RANGAP1: variants seen among roughly 807,000 people sequenced by gnomAD.
RANGAP1 encodes the protein Ran GTPase activating protein 1.
RANGAP1 carries 38 observed loss-of-function variants against 63.5 expected under a neutral mutation model. The observed-to-expected ratio is 0.60, with a 90% CI of 0.46 to 0.78. The LOEUF (loss-of-function observed/expected upper bound fraction) is 0.78, where lower values mean the gene tolerates loss of function less well. Ranked by LOEUF, RANGAP1 falls within the 30% of genes least tolerant of loss-of-function variation. The pLI is 0.00. For missense variants in RANGAP1, 630 were observed against 740.3 expected (o/e 0.85, Z 1.73); for synonymous variants, 329 against 310.5 (o/e 1.06, Z -0.63).
intron 2 of RANGAP1, among the ~76,000 whole-genome samples, chr22:41,279,756 C>G (rs1228070630): frequency 1.4e-5 from 2 of 146,392 alleles, no homozygotes; most frequent in African/African-American, 5.1e-5. Context: ...GAGCCAACAT[C>G]GCACCACTAC....
intron 8 of RANGAP1, 50 bp downstream of exon 8, chr22:41,256,661 C>T (rs573682658): frequency 6.4e-7 from 1 of 1,551,360 alleles, no homozygotes; most frequent in Non-Finnish European, 8.8e-7. Context: ...CCCAGCCGCC[C>T]CACCACCCAC....
chr22:41,288,743 C>G (rs760874839), upstream of RANGAP1, among the ~76,000 whole-genome samples: 2 of 151,878 alleles, frequency 1.3e-5, no homozygotes, highest in Non-Finnish European at 2.9e-5. Context: ...AATTCAGTGG[C>G]CTTCAAGGAC....
At chr22:41,247,704 G>A (rs2033141666) in intron 15 of RANGAP1, among the ~76,000 whole-genome samples, 1 of 152,266 alleles carries the variant, frequency 6.6e-6, no homozygotes, top group African/African-American at 2.4e-5. Context: ...AAGAAACTGA[G>A]GCAAGACTCT....
upstream of RANGAP1, among the ~76,000 whole-genome samples, chr22:41,289,013 C>A (rs1239069800): frequency 6.7e-6 from 1 of 150,212 alleles, no homozygotes; most frequent in African/African-American, 2.5e-5. Flanking sequence ...ACCTCCGCCT[C>A]CCAGGTTCAA....
At chr22:41,286,412 C>G (rs539395392), upstream of RANGAP1, among the ~76,000 whole-genome samples, 1 of 152,262 alleles carries the variant, frequency 6.6e-6, no homozygotes, top group Non-Finnish European at 1.5e-5. Flanking sequence ...TCGCCCTCCC[C>G]TGGTGGCTTC....
intron 13 of RANGAP1, among the ~76,000 whole-genome samples, chr22:41,250,074 T>A (rs2033335872): frequency 6.6e-6 from 1 of 152,220 alleles, no homozygotes; most frequent in Non-Finnish European, 1.5e-5. Context: ...AAAATGGGCA[T>A]GGGGATGACA....
At position 41,254,437 on chromosome 22, in the gene RANGAP1, T is replaced by C. The variant is rs748440365; in HGVS notation, c.1131A>G (p.Glu377=). 5.6e-6 allele frequency: 9 copies of C among 1,611,924 alleles called. No individual in the cohort carries two copies. Among genetic ancestry groups the C allele is most frequent in the Non-Finnish European group, 6.8e-6 (8 of 1,179,162 alleles). Residue 377 remains glutamate (E), a synonymous_variant, in exon 11 of 16, where the codon GAA becomes GAG. Coordinates refer to ENST00000356244, the MANE Select transcript of RANGAP1 (RefSeq NM_002883.4). Reference sequence around the variant, plus strand: ...CTTCCTCATCTTCCTCCTCCTCTTCTTCTGCTTCCTCTTCTTCCTCTTCTC... The same window carrying C: ...CTTCCTCATCTTCCTCCTCCTCTTCCTCTGCTTCCTCTTCTTCCTCTTCTC... The part of the protein sequence containing the change: ...EEGEEEEEEA[E]EEEEEDEEEE...
upstream of RANGAP1, among the ~76,000 whole-genome samples, chr22:41,289,703 C>G (rs2035816219): frequency 6.6e-6 from 1 of 152,208 alleles, no homozygotes; most frequent in South Asian, 2.1e-4. Flanking sequence ...CCAGCTTTCT[C>G]TCTTTCAAGT....
In RANGAP1 at chr22:41,276,790, C is replaced by CAAGAA. The variant is rs1270553600; in HGVS notation, c.113-2064_113-2063insTTCTT. ...CAGGAGTTCAGGAGTTCAAGAACAG[C>CAAGAA]CTGGCCAACATGGTAAACCCCGTCT... On this transcript the variant is annotated intron_variant, in intron 2 of 15. Transcript: ENST00000356244. Among the ~76,000 whole-genome samples, 3 of 151,678 alleles carry CAAGAA rather than the reference C, an allele frequency of 2.0e-5. No individual in the cohort carries two copies. The East Asian group carries it at 5.8e-4, about 29-fold the overall frequency.
chr22:41,290,746 G>C (rs1432986749), upstream of RANGAP1, among the ~76,000 whole-genome samples: 3 of 152,142 alleles, frequency 2.0e-5, no homozygotes, highest in Non-Finnish European at 2.9e-5. Context: ...GCCTGAAAAC[G>C]AACTTAATTG....
chr22:41,292,740 C>T, the RANGAP1 span, among the ~76,000 whole-genome samples: 2 of 151,876 alleles, frequency 1.3e-5, no homozygotes, highest in Admixed American at 1.3e-4. Flanking sequence ...AGTGAGACTC[C>T]GTCTCAAAAT....
At chr22:41,261,268 A>G (rs1159111370) in intron 6 of RANGAP1, among the ~76,000 whole-genome samples, 178 bp downstream of exon 6, 2 of 152,216 alleles carry the variant, frequency 1.3e-5, no homozygotes, top group Admixed American at 6.5e-5. Context: ...ACCTTTCCAG[A>G]AATGCACGAC....
chr22:41,245,264 C>T lies in RANGAP1; in HGVS notation c.*1339G>A, dbSNP rs780485954. ...GGGACATGGGCTCCCAAAGCACATA[C>T]ATGGTGTAGGGTAGGAGGTAAGGAA... On this transcript the variant is annotated 3_prime_UTR_variant, in exon 16 of 16. Transcript: ENST00000356244. Among the ~76,000 whole-genome samples, 12 of 152,194 alleles carry T rather than the reference C, an allele frequency of 7.9e-5. No homozygotes were observed. The highest frequency in any genetic ancestry group is 1.6e-4 in the Non-Finnish European group (11 of 68,032).
chr22:41,258,585 A>G (rs372748401), intron 6 of RANGAP1, among the ~76,000 whole-genome samples: 2 of 152,180 alleles, frequency 1.3e-5, no homozygotes, highest in Admixed American at 6.5e-5. Context: ...TCCCTGGCCC[A>G]TGCAGCCCTA....
intron 4 of RANGAP1, 146 bp from the exon 5 acceptor site, chr22:41,264,989 A>G: frequency 1.2e-6 from 1 of 800,158 alleles, no homozygotes; most frequent in Non-Finnish European, 1.9e-6. Flanking sequence ...CAGTATTCTT[A>G]AGACTGGAAA....
At chr22:41,266,903 C>CG (rs2034513090) in intron 4 of RANGAP1, among the ~76,000 whole-genome samples, 2 of 17,062 alleles carry the variant, frequency 1.2e-4, no homozygotes. Flanking sequence ...TTTTTTGAGA[C>CG]GGAGTCTTGC....
At chr22:41,248,365 C>T (rs1427386613) in intron 15 of RANGAP1, among the ~76,000 whole-genome samples, 1 of 152,214 alleles carries the variant, frequency 6.6e-6, no homozygotes, top group East Asian at 1.9e-4. Context: ...TAAGGCCTGG[C>T]TAAGGAGGCG....
At chr22:41,250,933 A>T (rs2145683352) in intron 13 of RANGAP1, 74 bp downstream of exon 13, 1 of 1,291,988 alleles carries the variant, frequency 7.7e-7, no homozygotes, top group Non-Finnish European at 1.1e-6. Context: ...GAGTTACGGC[A>T]ACCACGAAGG....
At position 41,281,069 on chromosome 22, in the gene RANGAP1, T is replaced by A; in HGVS notation, c.-25A>T. 1 of 1,564,910 alleles carries A rather than the reference T, an allele frequency of 6.4e-7. No homozygotes were observed. The highest frequency in any genetic ancestry group is 2.1e-4 in the Middle Eastern group (1 of 4,698). Reference sequence around the variant, plus strand: ...TGTTGACTAGGCTGGTGGGCTCCCCTGGAGATCTGCAGACTGAGGAGGCCA... The same window carrying A: ...TGTTGACTAGGCTGGTGGGCTCCCCAGGAGATCTGCAGACTGAGGAGGCCA... On this transcript the variant is annotated 5_prime_UTR_variant, in exon 2 of 16. Transcript: ENST00000356244.
Sources: allele counts gnomAD v4.1 joint callset (sites outside exome capture counted in the v4.1 genomes callset), GRCh38; gene constraint gnomAD v4.1.1; transcripts MANE v1.5; gene names NCBI Gene and HGNC (gene_info 2026-07-23, HGNC 2026-07-21).